Variants in PLEKHM1 observed in about 807,000 individuals in gnomAD.
PLEKHM1 encodes the protein pleckstrin homology and RUN domain containing M1.
In PLEKHM1, 28 loss-of-function variants were observed where a neutral mutation model predicts 94.3. That is an observed-to-expected ratio of 0.30 (90% CI 0.22 to 0.41). The LOEUF (loss-of-function observed/expected upper bound fraction) is 0.41. Ranked by LOEUF, PLEKHM1 falls within the 10% of genes least tolerant of loss-of-function variation. PLEKHM1 has a pLI of 1.00. For synonymous variants in PLEKHM1, 424 were observed against 581.2 expected (o/e 0.73, Z 3.89); for missense variants, 907 against 1,358.6 (o/e 0.67, Z 5.22).
intron 4 of PLEKHM1, among the ~76,000 whole-genome samples, chr17:45,474,240 G>A (rs762451830): frequency 3.3e-5 from 5 of 151,890 alleles, no homozygotes; most frequent in Non-Finnish European, 5.9e-5. Flanking sequence ...TGTATTTTTA[G>A]TAGAGACGGG....
At chr17:45,471,014 T>G (rs1597979901) in intron 4 of PLEKHM1, among the ~76,000 whole-genome samples, 1 of 109,994 alleles carries the variant, frequency 9.1e-6, no homozygotes, top group Admixed American at 8.6e-5. Flanking sequence ...AAAAGACAAT[T>G]CAAAGAATGG....
Position 45,483,960 on chromosome 17 carries a change from A to T in PLEKHM1, c.-41-1435T>A, listed in dbSNP as rs1181650385. Among the ~76,000 whole-genome samples the T allele has an allele frequency of 2.6e-5, 4 of 152,232 alleles. No individual in the cohort carries two copies. In the East Asian group the frequency reaches 7.7e-4, roughly 29 times the overall value. On this transcript the variant is annotated intron_variant, in intron 1 of 11. Transcript: ENST00000430334. ...CCCTTGGCCAAAGGGATTTCAAAAAAACTGAAAACTGAGTTCAGGCCATGA... is the reference window on the plus strand; with the variant it reads ...CCCTTGGCCAAAGGGATTTCAAAAATACTGAAAACTGAGTTCAGGCCATGA...
chr17:45,439,621 A>T lies in PLEKHM1; in HGVS notation c.2915T>A (p.Val972Glu), dbSNP rs1567759341. 2 of 1,613,528 alleles carry T rather than the reference A, an allele frequency of 1.2e-6. No individual in the cohort carries two copies. The highest frequency in any genetic ancestry group is 1.7e-6 in the Non-Finnish European group (2 of 1,179,886). ...VADLQQIADG[V>E]YEGFLKALIE... Reference sequence around the variant, plus strand: ...CAGGGCCTTGAGGAATCCTTCATACACCCCGTCTGCGATCTGCGGAGGGCA... The same window carrying T: ...CAGGGCCTTGAGGAATCCTTCATACTCCCCGTCTGCGATCTGCGGAGGGCA... The change falls in exon 11 of 12, where the codon GTG becomes GAG. Residue 972 changes from valine to glutamate, a missense_variant. Val to Glu is a moderately radical substitution (Grantham distance 121). Coordinates refer to ENST00000430334, the MANE Select transcript of PLEKHM1 (RefSeq NM_014798.3).
intron 4 of PLEKHM1, among the ~76,000 whole-genome samples, chr17:45,468,931 C>T (rs537742105): frequency 5.1e-4 from 77 of 152,108 alleles, no homozygotes; most frequent in African/African-American, 1.8e-3. Flanking sequence ...CTTGCTCAGC[C>T]AAACACATGG....
At chr17:45,483,120 T>C (rs2052006809) in intron 1 of PLEKHM1, among the ~76,000 whole-genome samples, 1 of 151,856 alleles carries the variant, frequency 6.6e-6, no homozygotes, top group Admixed American at 6.6e-5. Flanking sequence ...AGGGTCTGGC[T>C]TGAGCAGCAC....
At chr17:45,440,092 T>A in intron 10 of PLEKHM1, 71 bp downstream of exon 10, 1 of 1,392,826 alleles carries the variant, frequency 7.2e-7, no homozygotes, top group Non-Finnish European at 1.0e-6. Context: ...CCCTCTTCCA[T>A]CTTCCTTGCT....
chr17:45,484,719 T>C (rs561618259), intron 1 of PLEKHM1, among the ~76,000 whole-genome samples: 1 of 152,166 alleles, frequency 6.6e-6, no homozygotes, highest in East Asian at 1.9e-4. Flanking sequence ...AACAGTGCCA[T>C]CACCTCAGAG....
chr17:45,443,088 T>C (rs1488388628), intron 9 of PLEKHM1, among the ~76,000 whole-genome samples: 1 of 152,182 alleles, frequency 6.6e-6, no homozygotes, highest in African/African-American at 2.4e-5. Flanking sequence ...GTCTGCTTTA[T>C]TCCCTTTCAT....
At position 45,447,564 on chromosome 17, in the gene PLEKHM1, C is replaced by T. The variant is rs1054093980; in HGVS notation, c.2644-1901G>A. Among the ~76,000 whole-genome samples, 7 of 152,254 alleles carry T rather than the reference C, an allele frequency of 4.6e-5. No homozygotes were observed. The East Asian group carries it at 1.3e-3, about 29-fold the overall frequency. On this transcript the variant is annotated intron_variant, in intron 8 of 11. Transcript: ENST00000430334. ...ATGGAGGAGACAGAAAGAAGCCCCA[C>T]TCCTGGGCTGACATCCTGCCAGTGC... is the stretch of plus-strand genomic sequence containing the variant.
intron 5 of PLEKHM1, among the ~76,000 whole-genome samples, chr17:45,467,559 G>A (rs990200555): frequency 6.6e-6 from 1 of 152,128 alleles, no homozygotes; most frequent in African/African-American, 2.4e-5. Context: ...CAAGAAGATC[G>A]AGACCAGCCT....
chr17:45,468,163 G>A (rs780521570), intron 5 of PLEKHM1, 46 bp downstream of exon 5: 2 of 1,611,936 alleles, frequency 1.2e-6, no homozygotes, highest in African/African-American at 1.3e-5. Flanking sequence ...CCCTGTGTCA[G>A]CTGACATTTC....
intron 5 of PLEKHM1, among the ~76,000 whole-genome samples, chr17:45,458,732 A>G (rs1287383728): frequency 1.3e-5 from 2 of 149,888 alleles, no homozygotes; most frequent in Non-Finnish European, 3.0e-5. Context: ...CGGCCTCCCA[A>G]AGTGTTGGGA....
At chr17:45,485,989 G>A (rs1210280474) in intron 1 of PLEKHM1, among the ~76,000 whole-genome samples, 5 of 151,308 alleles carry the variant, frequency 3.3e-5, no homozygotes, top group Admixed American at 1.3e-4. Context: ...GGCCGAGGCC[G>A]GCGGATCACG....
intron 11 of PLEKHM1, 65 bp from the exon 12 acceptor site, chr17:45,438,034 G>T: frequency 7.9e-7 from 1 of 1,266,972 alleles, no homozygotes. Context: ...GGCCACGCTG[G>T]CCAGCCCTTT....
In PLEKHM1 at chr17:45,439,231, T is replaced by G. The variant is rs117240767; in HGVS notation, c.3059+246A>C. Among the ~76,000 whole-genome samples the G allele has an allele frequency of 2.6e-4, 40 of 152,292 alleles. 4 individuals carry two copies. In the East Asian group the frequency reaches 7.5e-3, roughly 29 times the overall value. On this transcript the variant is annotated intron_variant, in intron 11 of 11. Transcript: ENST00000430334. ...GCCACCTCTTCTTTAGGAAGAGAGA[T>G]GGTTCCATAGAGGCAGAGGAGTCCT...
At chr17:45,452,589 T>A (rs1210068538) in intron 7 of PLEKHM1, among the ~76,000 whole-genome samples, 1 of 151,588 alleles carries the variant, frequency 6.6e-6, no homozygotes, top group South Asian at 2.1e-4. Context: ...AGGGTTGTTA[T>A]GAGACTTAAA....
At chr17:45,458,120 G>C (rs769323254) in intron 6 of PLEKHM1, 49 bp downstream of exon 6, 2 of 1,565,290 alleles carry the variant, frequency 1.3e-6, no homozygotes, top group East Asian at 4.5e-5. Context: ...CTTCTGAAAG[G>C]CCTGGTCCCT....
intron 7 of PLEKHM1, among the ~76,000 whole-genome samples, chr17:45,451,900 G>A (rs566081256): frequency 4.3e-4 from 66 of 152,354 alleles, no homozygotes; most frequent in African/African-American, 1.4e-3. Context: ...TGGGGCAGGC[G>A]GGGGAGAGGT....
chr17:45,476,174 ATATAAAT>A (rs1416124576), intron 3 of PLEKHM1: 9 of 146,420 alleles, frequency 6.1e-5, no homozygotes, highest in Non-Finnish European at 1.0e-4. Context: ...AAATATATAA[ATATAAAT>A]TATATATATT....
Sources: allele counts gnomAD v4.1 joint callset (sites outside exome capture counted in the v4.1 genomes callset), GRCh38; gene constraint gnomAD v4.1.1; transcripts MANE v1.5; gene names NCBI Gene and HGNC (gene_info 2026-07-23, HGNC 2026-07-21).